The following LMOD1 variants were observed in gnomAD, a reference collection of about 807,000 sequenced individuals.
LMOD1 encodes leiomodin 1, also known as leiomodin-1.
A neutral mutation model predicts 36.5 loss-of-function variants in LMOD1; 8 were observed. The observed-to-expected ratio is 0.22, with a 90% CI of 0.13 to 0.40. LMOD1 has a LOEUF of 0.40. Among genes scored for constraint, LMOD1 ranks in the 10% least tolerant of loss-of-function variants. LMOD1 has a pLI of 1.00. For missense variants in LMOD1, 630 were observed against 751.1 expected, an observed-to-expected ratio of 0.84 and a Z score of 1.88; for synonymous variants, 284 against 288.7, an observed-to-expected ratio of 0.98 and a Z score of 0.17.
Position 201,899,513 on chromosome 1 carries a change from C to T in LMOD1, c.1500G>A (p.Lys500=). Residue 500 remains lysine, a synonymous_variant, in exon 2 of 3, where the codon AAG becomes AAA. Coordinates refer to ENST00000367288, the MANE Select transcript of LMOD1 (RefSeq NM_012134.3). This position sits in a 1 kb window ranked among gnomAD's most constrained non-coding sequence, Gnocchi z 6.3. ...GGGAGCCCTTAGCCACGGCCCCGGCCTTGGGTACCTCCAGCAGATCCTTCT... is the reference window on the plus strand; with the variant it reads ...GGGAGCCCTTAGCCACGGCCCCGGCTTTGGGTACCTCCAGCAGATCCTTCT... ...GEKKDLLEVP[K]AGAVAKGSPK... The T allele has an allele frequency of 6.2e-7, 1 of 1,613,984 alleles. No individual in the cohort carries two copies. The highest frequency in any genetic ancestry group is 1.1e-5 in the South Asian group (1 of 91,076).
chr1:201,914,169 C>T (rs1346730327), intron 1 of LMOD1, among the ~76,000 whole-genome samples: 1 of 152,170 alleles, frequency 6.6e-6, no homozygotes, highest in Non-Finnish European at 1.5e-5. Flanking sequence ...AAGCCCCAAC[C>T]CTACAGCCAA....
chr1:201,928,961 G>A (rs577729934), intron 1 of LMOD1, among the ~76,000 whole-genome samples: 5 of 151,966 alleles, frequency 3.3e-5, no homozygotes, highest in South Asian at 2.1e-4. Context: ...CAAGTGATCC[G>A]CCCACCTTGG....
chr1:201,905,751 A>C (rs776430625), intron 1 of LMOD1, among the ~76,000 whole-genome samples: 9 of 152,116 alleles, frequency 5.9e-5, no homozygotes, highest in Non-Finnish European at 1.3e-4. Context: ...CTGCAGACAG[A>C]CCCTGGGGAG....
Position 201,946,110 on chromosome 1 carries a change from C to T in LMOD1, c.231G>A (p.Lys77=), listed in dbSNP as rs747803833. 3 of 1,613,886 alleles carry T rather than the reference C, an allele frequency of 1.9e-6. No individual in the cohort carries two copies. ...TGGACATCTCCCTCTGCATAAGTTT[C>T]TTGGTCTCCTTTTCACAGAAGTTGA... ...AMLNFCEKET[K]KLMQREMSMD... Residue 77 remains lysine, a synonymous_variant, in exon 1 of 3, where the codon AAG becomes AAA. Transcript: ENST00000367288.
At chr1:201,939,812 T>A (rs1307428996) in intron 1 of LMOD1, among the ~76,000 whole-genome samples, 1 of 152,064 alleles carries the variant, frequency 6.6e-6, no homozygotes, top group Non-Finnish European at 1.5e-5. Context: ...AGACTGCCTA[T>A]CTCTTGGTGT....
At chr1:201,945,204 A>G (rs996652412) in intron 1 of LMOD1, among the ~76,000 whole-genome samples, 2 of 151,752 alleles carry the variant, frequency 1.3e-5, no homozygotes, top group African/African-American at 2.4e-5. Flanking sequence ...TACCAATGCA[A>G]TAGTGACAAA....
chr1:201,915,802 G>C (rs1681597892), intron 1 of LMOD1, among the ~76,000 whole-genome samples: 1 of 152,038 alleles, frequency 6.6e-6, no homozygotes, highest in Non-Finnish European at 1.5e-5. Context: ...ACCTCTCATG[G>C]GGTTATAGCA....
At chr1:201,902,307 G>A (rs1681344649) in intron 1 of LMOD1, among the ~76,000 whole-genome samples, 1 of 151,902 alleles carries the variant, frequency 6.6e-6, no homozygotes, top group Non-Finnish European at 1.5e-5. Context: ...TGGGTCAGCT[G>A]ATCTCTGGAA....
At chr1:201,903,424 CCACT>C (rs554249869) in intron 1 of LMOD1, among the ~76,000 whole-genome samples, 232 of 152,352 alleles carry the variant, frequency 1.5e-3, no homozygotes, top group Non-Finnish European at 2.6e-3. Context: ...GCTCCCCCTC[CCACT>C]CACTCAGGCC....
chr1:201,943,807 G>A (rs957724352), intron 1 of LMOD1, among the ~76,000 whole-genome samples: 2 of 152,196 alleles, frequency 1.3e-5, no homozygotes, highest in Non-Finnish European at 2.9e-5. Context: ...TGTGAGATGG[G>A]TACTACTATC....
Position 201,900,491 on chromosome 1 carries a change from C to G in LMOD1, c.522G>C (p.Lys174Asn). The change falls in exon 2 of 3, where the codon AAG becomes AAC. Residue 174 changes from lysine (K) to asparagine (N), a missense_variant. By Grantham distance (94) the Lys-to-Asn change is moderately conservative. Coordinates refer to ENST00000367288, the MANE Select transcript of LMOD1 (RefSeq NM_012134.3). ...RAAVDKKEAG[K>N]DGRGEERAVA... The stretch of plus-strand genomic sequence containing the variant: ...CTGCCCTCTCCTCTCCTCTCCCATC[C>G]TTCCCTGCCTCCTTCTTATCCACTG... 3 of 1,613,684 alleles carry G rather than the reference C, an allele frequency of 1.9e-6. No homozygotes were observed. The South Asian group carries it at 3.3e-5, about 18-fold the overall frequency.
chr1:201,896,476 C>G lies in LMOD1; in HGVS notation c.*1896G>C. On this transcript the variant is annotated 3_prime_UTR_variant, in exon 3 of 3. Coordinates refer to ENST00000367288, the MANE Select transcript of LMOD1 (RefSeq NM_012134.3). ...AGACCTGAGCTCTGACTTTTATTAGCTGTGTGATCATGGATATATTAGTTA... is the reference window on the plus strand; with the variant it reads ...AGACCTGAGCTCTGACTTTTATTAGGTGTGTGATCATGGATATATTAGTTA... 2.2e-6 allele frequency: 1 copy of G among 456,000 alleles called. No homozygotes were observed. Among genetic ancestry groups the G allele is most frequent in the Non-Finnish European group, 4.4e-6 (1 of 226,486 alleles). The allele number at this position is 456,000 out of a possible 1,614,324, so 28.2% of individuals were successfully genotyped here.
At chr1:201,914,786 A>G (rs573236247) in intron 1 of LMOD1, among the ~76,000 whole-genome samples, 1 of 60,816 alleles carries the variant, frequency 1.6e-5, no homozygotes, top group South Asian at 5.2e-4. Flanking sequence ...CCTCCTCCCC[A>G]CATTGCACTC....
intron 1 of LMOD1, among the ~76,000 whole-genome samples, chr1:201,945,338 C>A (rs1682185501): frequency 6.6e-6 from 1 of 152,188 alleles, no homozygotes; most frequent in Non-Finnish European, 1.5e-5. Flanking sequence ...TATCTTCAAC[C>A]CCCAGCAAAG....
chr1:201,904,479 T>G (rs1571575777), intron 1 of LMOD1, among the ~76,000 whole-genome samples: 1 of 152,112 alleles, frequency 6.6e-6, no homozygotes, highest in Non-Finnish European at 1.5e-5. Flanking sequence ...CAAAGTGCTG[T>G]GATTACAGGC....
At position 201,898,341 on chromosome 1, in the gene LMOD1, G is replaced by A; in HGVS notation, c.*31C>T. The A allele has an allele frequency of 6.2e-7, 1 of 1,609,748 alleles. No individual in the cohort carries two copies. The highest frequency in any genetic ancestry group is 8.5e-7 in the Non-Finnish European group (1 of 1,177,964). ...GGGAGGTGAGGCCTGAGCAGTCATG[G>A]CATTGGCAGATGGTGCCTGGCAGCC... On this transcript the variant is annotated 3_prime_UTR_variant, in exon 3 of 3. Transcript: ENST00000367288.
intron 1 of LMOD1, among the ~76,000 whole-genome samples, chr1:201,938,517 G>T (rs972022620): frequency 6.6e-6 from 1 of 152,164 alleles, no homozygotes; most frequent in African/African-American, 2.4e-5. Flanking sequence ...AGCAGAGCTG[G>T]ATCTGCACCC....
chr1:201,929,523 G>C (rs1226766657), intron 1 of LMOD1, among the ~76,000 whole-genome samples: 1 of 152,220 alleles, frequency 6.6e-6, no homozygotes, highest in Non-Finnish European at 1.5e-5. Flanking sequence ...TCAGACCTCA[G>C]AGTGTAAATT....
rs759717985 is a variant in LMOD1 at position 201,900,198 on chromosome 1, T to G, written c.815A>C (p.Lys272Thr). The G allele has an allele frequency of 1.2e-6, 2 of 1,613,996 alleles. No individual in the cohort carries two copies. Among genetic ancestry groups the G allele is most frequent in the Admixed American group, 3.3e-5 (2 of 60,020 alleles). ...CTTTTCATGTAAGGGTTCATTCTTC[T>G]TGACTTTTTCATCGTCCTTTTTGGT... Reference protein sequence around the residue: ...TDTKKDDEKVKKNEPLHEKEA... With the variant: ...TDTKKDDEKVTKNEPLHEKEA... Residue 272 changes from lysine (K) to threonine (T), a missense_variant, in exon 2 of 3, where the codon AAG becomes ACG. Physicochemically the swap from Lys to Thr is moderately conservative, Grantham distance 78 (BLOSUM62 -1). Transcript: ENST00000367288.
Sources: allele counts gnomAD v4.1 joint callset (sites outside exome capture counted in the v4.1 genomes callset), GRCh38; gene constraint gnomAD v4.1.1; non-coding constraint Gnocchi (gnomAD v3.1); transcripts MANE v1.5; gene names NCBI Gene and HGNC (gene_info 2026-07-23, HGNC 2026-07-21).